STARD13: variants seen among roughly 807,000 people sequenced by gnomAD.
STARD13 encodes StAR related lipid transfer domain containing 13, also known as stAR-related lipid transfer protein 13.
Under a neutral mutation model 106.4 loss-of-function variants are expected in STARD13, and 62 were observed. That is an observed-to-expected ratio of 0.58 (90% CI 0.48 to 0.72). The LOEUF is 0.72. Ranked by LOEUF, STARD13 falls within the 30% of genes least tolerant of loss-of-function variation. The pLI, the probability that STARD13 is intolerant of heterozygous loss-of-function variation, is 0.00. For missense variants in STARD13, 1,387 were observed against 1,424.0 expected, an observed-to-expected ratio of 0.97 and a Z score of 0.42; for synonymous variants, 565 against 553.0, an observed-to-expected ratio of 1.02 and a Z score of -0.31.
chr13:33,609,072 C>T, the STARD13 span, among the ~76,000 whole-genome samples: 570 of 108,624 alleles, frequency 5.2e-3, 3 homozygotes, highest in Non-Finnish European at 7.2e-3. Flanking sequence ...GGCGACAGAG[C>T]GAGACTCCGT....
the STARD13 span, among the ~76,000 whole-genome samples, chr13:33,673,164 G>A: frequency 1.3e-5 from 2 of 152,056 alleles, no homozygotes; most frequent in African/African-American, 4.8e-5. Flanking sequence ...TCCATCCTCT[G>A]GCATCTCTAC....
chr13:33,385,422 C>T, the STARD13 span, among the ~76,000 whole-genome samples: 1 of 138,598 alleles, frequency 7.2e-6, no homozygotes, highest in Non-Finnish European at 1.5e-5. Context: ...AAAGCAGAAG[C>T]CAGAGGAACT....
At chr13:33,281,989 T>C (rs1810707526) in intron 1 of STARD13, among the ~76,000 whole-genome samples, 1 of 152,164 alleles carries the variant, frequency 6.6e-6, no homozygotes, top group South Asian at 2.1e-4. Context: ...AAAATTAATG[T>C]ATTGTGTATT....
chr13:33,228,290 C>A (rs1888724094), intron 1 of STARD13, among the ~76,000 whole-genome samples: 1 of 152,102 alleles, frequency 6.6e-6, no homozygotes, highest in African/African-American at 2.4e-5. Context: ...CCATGTATTT[C>A]TTTATAGAGA....
In STARD13 at chr13:33,142,307, T is replaced by TTTGG; in HGVS notation, c.387+2_387+3insCCAA. 6.2e-7 allele frequency: 1 copy of TTTGG among 1,613,078 alleles called. No homozygotes were observed. Among genetic ancestry groups the TTTGG allele is most frequent in the South Asian group, 1.1e-5 (1 of 91,062 alleles). The stretch of plus-strand genomic sequence containing the variant: ...ACATTCTTATTAAGGTGTGGGCACC[T>TTTGG]ACCTTTTTCCTTTGGAAGTTCACAT... On this transcript the variant is annotated splice_region_variant and intron_variant, in intron 4 of 13. Transcript: ENST00000336934.
the STARD13 span, among the ~76,000 whole-genome samples, chr13:33,418,324 C>A: frequency 6.6e-6 from 1 of 152,220 alleles, no homozygotes; most frequent in Non-Finnish European, 1.5e-5. Context: ...GCCCACGGAG[C>A]CTTGCTCACT....
At chr13:33,338,610 A>G (rs2077922593) in intron 1 of STARD13, among the ~76,000 whole-genome samples, 1 of 152,156 alleles carries the variant, frequency 6.6e-6, no homozygotes, top group Non-Finnish European at 1.5e-5. Context: ...AAGGAGAGTG[A>G]GCTGAATGTC....
chr13:33,492,187 C>T, the STARD13 span, among the ~76,000 whole-genome samples: 1 of 152,170 alleles, frequency 6.6e-6, no homozygotes, highest in African/African-American at 2.4e-5. Flanking sequence ...TCAGTTACTT[C>T]AGGCCATCTG....
At chr13:33,644,489 C>T in the STARD13 span, among the ~76,000 whole-genome samples, 1 of 152,050 alleles carries the variant, frequency 6.6e-6, no homozygotes, top group African/African-American at 2.4e-5. Flanking sequence ...ACACGCAACA[C>T]TCACATACAC....
chr13:33,486,028 G>T, the STARD13 span, among the ~76,000 whole-genome samples: 1 of 152,142 alleles, frequency 6.6e-6, no homozygotes, highest in Non-Finnish European at 1.5e-5. Context: ...TTGACTGACT[G>T]CTTATAAATC....
chr13:33,350,384 C>T, exon 1 of STARD13: 2 of 1,533,778 alleles, frequency 1.3e-6, no homozygotes, highest in Non-Finnish European at 8.7e-7. Context: ...TCCTGAGCTG[C>T]GTTTGGCAAG....
At chr13:33,117,743 T>C (rs977019097) in intron 8 of STARD13, 130 of 920,666 alleles carry the variant, frequency 1.4e-4, no homozygotes, top group Non-Finnish European at 1.6e-4. Flanking sequence ...AATACCTATA[T>C]ATAAAACAAC....
chr13:33,130,440 G>T lies in STARD13; in HGVS notation c.388-151C>A. The T allele has an allele frequency of 1.4e-6, 1 of 705,220 alleles. No individual in the cohort carries two copies. 43.7% of individuals were successfully genotyped at this position (705,220 alleles called of 1,614,324 possible). A position where few individuals can be genotyped will look rare whatever the true frequency, so the allele number is the denominator to read the frequency against. ...TGAGCTTCTTGGGCACCTCTAAGCT[G>T]TCCTTCTACCACTTGCACTGTCTTG... On this transcript the variant is annotated intron_variant, in intron 4 of 13. Transcript: ENST00000336934. The surrounding 1 kb of genome is among the most constrained non-coding windows in gnomAD (Gnocchi z 4.1).
intron 1 of STARD13, among the ~76,000 whole-genome samples, chr13:33,267,673 C>T (rs945522621): frequency 7.2e-5 from 11 of 152,214 alleles, no homozygotes; most frequent in African/African-American, 2.7e-4. Context: ...ACAATAAATG[C>T]ACTTCATTTT....
chr13:33,422,962 T>C, the STARD13 span, among the ~76,000 whole-genome samples: 3 of 152,232 alleles, frequency 2.0e-5, no homozygotes, highest in African/African-American at 7.2e-5. Context: ...AATTAAAGTC[T>C]TAAATGTTAG....
chr13:33,651,373 C>T, the STARD13 span, among the ~76,000 whole-genome samples: 1 of 152,144 alleles, frequency 6.6e-6, no homozygotes, highest in African/African-American at 2.4e-5. Flanking sequence ...TTATCACTTT[C>T]GAAGTATTAC....
At chr13:33,265,269 G>T (rs1890842520) in intron 1 of STARD13, among the ~76,000 whole-genome samples, 1 of 151,886 alleles carries the variant, frequency 6.6e-6, no homozygotes, top group Non-Finnish European at 1.5e-5. Flanking sequence ...CAGTGGGGCA[G>T]CTGCCTGAGG....
chr13:33,376,927 A>C, the STARD13 span, among the ~76,000 whole-genome samples: 1 of 152,222 alleles, frequency 6.6e-6, no homozygotes, highest in Non-Finnish European at 1.5e-5. Context: ...TCTAGAAGAC[A>C]GGCCTGGGGC....
chr13:33,122,882 CT>C (rs2138127964), intron 7 of STARD13, among the ~76,000 whole-genome samples: 1 of 152,018 alleles, frequency 6.6e-6, no homozygotes, highest in African/African-American at 2.4e-5. Flanking sequence ...TGGTGAAACC[CT>C]ATCTCTATTA....
Sources: gnomAD v4.1 joint callset for allele counts (sites outside exome capture counted in the v4.1 genomes callset) on GRCh38, gnomAD v4.1.1 for gene constraint, Gnocchi (gnomAD v3.1) non-coding constraint, MANE v1.5 for transcripts, NCBI Gene and HGNC (gene_info 2026-07-23, HGNC 2026-07-21) for gene names.